Variants in LRFN5 observed in about 807,000 individuals in gnomAD.
LRFN5 encodes leucine-rich repeat and fibronectin type-III domain-containing protein 5.
Under a neutral mutation model 45.6 loss-of-function variants are expected in LRFN5, and 24 were observed. That is an observed-to-expected ratio of 0.53 (90% CI 0.38 to 0.74). LRFN5 has a LOEUF of 0.74. Among genes scored for constraint, LRFN5 ranks in the 30% least tolerant of loss-of-function variants. The pLI is 0.00. For synonymous variants in LRFN5, 340 were observed against 313.8 expected (o/e 1.08, Z -0.88); for missense variants, 776 against 861.5 (o/e 0.90, Z 1.24).
At chr14:41,739,539 A>G (rs1174593494) in intron 1 of LRFN5, among the ~76,000 whole-genome samples, 1 of 152,090 alleles carries the variant, frequency 6.6e-6, no homozygotes, top group Non-Finnish European at 1.5e-5. Flanking sequence ...AACACAATAT[A>G]CCAAAACTTA....
chr14:41,628,177 A>AT (rs1460311484), intron 1 of LRFN5, among the ~76,000 whole-genome samples: 1 of 152,124 alleles, frequency 6.6e-6, no homozygotes, highest in Non-Finnish European at 1.5e-5. Flanking sequence ...CCTCTCTATA[A>AT]TTTTAAGTTT....
intron 4 of LRFN5, chr14:41,894,859 T>G (rs1594504851): frequency 1.0e-6 from 1 of 982,422 alleles, no homozygotes; most frequent in East Asian, 1.1e-4. Context: ...TTTTCTTGTT[T>G]TGCTTTCTGT....
At chr14:41,682,524 A>G (rs530138260) in intron 1 of LRFN5, among the ~76,000 whole-genome samples, 1 of 152,232 alleles carries the variant, frequency 6.6e-6, no homozygotes, top group East Asian at 1.9e-4. Context: ...AATACAAAAT[A>G]TGAAGTTATT....
At chr14:41,864,472 T>C (rs1264340601) in intron 2 of LRFN5, among the ~76,000 whole-genome samples, 1 of 152,230 alleles carries the variant, frequency 6.6e-6, no homozygotes, top group Non-Finnish European at 1.5e-5. Context: ...AATGTCTTCT[T>C]TGAGAAGTGT....
At chr14:41,789,708 T>A (rs932559585) in intron 2 of LRFN5, among the ~76,000 whole-genome samples, 14 of 151,974 alleles carry the variant, frequency 9.2e-5, no homozygotes, top group African/African-American at 3.1e-4. Context: ...GTATCTAGGA[T>A]TATGTGTGCT....
At chr14:41,806,274 G>C (rs1249996732) in intron 2 of LRFN5, among the ~76,000 whole-genome samples, 1 of 152,076 alleles carries the variant, frequency 6.6e-6, no homozygotes, top group Non-Finnish European at 1.5e-5. Context: ...ACTTAGGATT[G>C]ACTGCCTTCA....
Position 41,734,344 on chromosome 14 carries a change from A to ATATATATATATATATATATATT in LRFN5, c.-196-32509_-196-32508insATATATATATATATATATATTT, listed in dbSNP as rs1428416141. Among the ~76,000 whole-genome samples the ATATATATATATATATATATATT allele has an allele frequency of 6.1e-4, 65 of 105,944 alleles. 2 individuals carry two copies. Among genetic ancestry groups the ATATATATATATATATATATATT allele is most frequent in the East Asian group, 1.0e-3 (2 of 1,942 alleles). 69.5% of individuals were successfully genotyped at this position (105,944 alleles called of 152,430 possible). On this transcript the variant is annotated intron_variant, in intron 1 of 5. Transcript: ENST00000298119. ...TATATATATATATATATATATATAT[A>ATATATATATATATATATATATT]TTTAAATTTGCTGTAACTTATTGAT... is the stretch of plus-strand genomic sequence containing the variant.
At chr14:41,688,113 T>C (rs1882202734) in intron 1 of LRFN5, among the ~76,000 whole-genome samples, 2 of 152,242 alleles carry the variant, frequency 1.3e-5, no homozygotes, top group South Asian at 4.2e-4. Flanking sequence ...AGCTAAAAAT[T>C]AACAGTTGAG....
At chr14:41,694,545 AT>A (rs1409772618) in intron 1 of LRFN5, among the ~76,000 whole-genome samples, 29 of 151,918 alleles carry the variant, frequency 1.9e-4, no homozygotes, top group African/African-American at 7.0e-4. Flanking sequence ...ACTGAGTGAT[AT>A]TCTTTTCTGT....
chr14:41,638,962 T>A (rs888946343), intron 1 of LRFN5, among the ~76,000 whole-genome samples: 1 of 152,194 alleles, frequency 6.6e-6, no homozygotes, highest in African/African-American at 2.4e-5. Context: ...AATATTTCTC[T>A]TATTTAATCC....
intron 1 of LRFN5, among the ~76,000 whole-genome samples, chr14:41,692,900 C>G (rs950246119): frequency 3.9e-5 from 6 of 151,976 alleles, no homozygotes; most frequent in African/African-American, 1.4e-4. Flanking sequence ...ATACATCAAA[C>G]AAGCTTCTCT....
chr14:41,725,363 A>G (rs1179183207), intron 1 of LRFN5, among the ~76,000 whole-genome samples: 2 of 152,068 alleles, frequency 1.3e-5, no homozygotes, highest in African/African-American at 4.8e-5. Context: ...CTGTTTGGAG[A>G]TAGTTGACAT....
intron 5 of LRFN5, among the ~76,000 whole-genome samples, chr14:41,901,924 TATA>T (rs1891112455): frequency 6.6e-6 from 1 of 152,014 alleles, no homozygotes; most frequent in Admixed American, 6.6e-5. Flanking sequence ...TGGCTGTTTT[TATA>T]ATAATTAAAG....
chr14:41,763,216 A>G (rs1885741474), intron 1 of LRFN5, among the ~76,000 whole-genome samples: 1 of 152,120 alleles, frequency 6.6e-6, no homozygotes, highest in South Asian at 2.1e-4. Context: ...ACTTTTTGTA[A>G]CTGTTTTCAT....
intron 4 of LRFN5, chr14:41,892,429 G>A (rs1409839180): frequency 9.1e-6 from 9 of 984,136 alleles, no homozygotes; most frequent in African/African-American, 1.8e-5. Context: ...CAACTCCTAG[G>A]ACTAGCAACA....
intron 2 of LRFN5, among the ~76,000 whole-genome samples, chr14:41,784,411 A>G (rs776243025): frequency 6.6e-6 from 1 of 151,900 alleles, no homozygotes; most frequent in Non-Finnish European, 1.5e-5. Flanking sequence ...TTAAAAAAAC[A>G]CAGTAATCAT....
At chr14:41,876,444 C>CTTTTT (rs71105408) in intron 2 of LRFN5, among the ~76,000 whole-genome samples, 5 of 129,058 alleles carry the variant, frequency 3.9e-5, no homozygotes, top group Middle Eastern at 4.1e-3. Flanking sequence ...CCATGCCTGG[C>CTTTTT]TTTTTTTTTT....
At chr14:41,825,134 A>G (rs1888249644) in intron 2 of LRFN5, among the ~76,000 whole-genome samples, 1 of 152,090 alleles carries the variant, frequency 6.6e-6, no homozygotes, top group Non-Finnish European at 1.5e-5. Context: ...CTGCCGCTCC[A>G]TGTAGAAAGG....
chr14:41,679,811 G>T (rs1391156669), intron 1 of LRFN5, among the ~76,000 whole-genome samples: 2 of 152,166 alleles, frequency 1.3e-5, no homozygotes, highest in South Asian at 2.1e-4. Flanking sequence ...CAGGCACTTG[G>T]AGTCCTTGAT....
Sources: gnomAD v4.1 joint callset for allele counts (sites outside exome capture counted in the v4.1 genomes callset) on GRCh38, gnomAD v4.1.1 for gene constraint, MANE v1.5 for transcripts, NCBI Gene and HGNC (gene_info 2026-07-23, HGNC 2026-07-21) for gene names.